Variants in RBMS3 observed in about 807,000 individuals in gnomAD.
RBMS3 encodes the protein RNA binding motif single stranded interacting protein 3, also known as RNA-binding motif, single-stranded-interacting protein 3.
Under a neutral mutation model 66.8 loss-of-function variants are expected in RBMS3, and 27 were observed. That is an observed-to-expected ratio of 0.40 (90% CI 0.30 to 0.56). The LOEUF is 0.56. Ranked by LOEUF, RBMS3 falls within the 20% of genes least tolerant of loss-of-function variation. The probability of loss-of-function intolerance (pLI) is 0.40; values close to 1 mark genes in which losing one functional copy is unlikely to be tolerated. For synonymous variants in RBMS3, 188 were observed against 183.0 expected, an observed-to-expected ratio of 1.03 and a Z score of -0.22; for missense variants, 513 against 549.5, an observed-to-expected ratio of 0.93 and a Z score of 0.66.
intron 4 of RBMS3, among the ~76,000 whole-genome samples, chr3:29,693,953 C>T (rs2052153602): frequency 6.6e-6 from 1 of 152,194 alleles, no homozygotes; most frequent in South Asian, 2.1e-4. Flanking sequence ...ACAGTGTCAA[C>T]ATGATCAGTG....
At chr3:29,737,783 A>G (rs1390340430) in intron 4 of RBMS3, among the ~76,000 whole-genome samples, 1 of 151,788 alleles carries the variant, frequency 6.6e-6, no homozygotes, top group Non-Finnish European at 1.5e-5. Context: ...CTCTAGGACC[A>G]TTAACAGTTA....
chr3:29,840,681 T>C (rs1402207539), intron 6 of RBMS3, among the ~76,000 whole-genome samples: 1 of 152,056 alleles, frequency 6.6e-6, no homozygotes, highest in Non-Finnish European at 1.5e-5. Flanking sequence ...TGCTGGCATA[T>C]GATAGATATA....
intron 4 of RBMS3, among the ~76,000 whole-genome samples, chr3:29,591,769 T>C (rs2149100930): frequency 6.6e-6 from 1 of 152,304 alleles, no homozygotes; most frequent in East Asian, 1.9e-4. Flanking sequence ...ATTCCAAATA[T>C]GAGTAAACAC....
At chr3:29,836,427 A>G (rs2058509588) in intron 6 of RBMS3, among the ~76,000 whole-genome samples, 1 of 152,026 alleles carries the variant, frequency 6.6e-6, no homozygotes, top group Non-Finnish European at 1.5e-5. Context: ...ATCAAGTGGT[A>G]TGTATCACTG....
chr3:29,740,867 C>T (rs1444054508), intron 5 of RBMS3, among the ~76,000 whole-genome samples: 1 of 151,858 alleles, frequency 6.6e-6, no homozygotes, highest in Non-Finnish European at 1.5e-5. Context: ...TAGTGAAAAC[C>T]CATCTCTACT....
At chr3:29,896,714 A>G (rs2060130629) in intron 8 of RBMS3, among the ~76,000 whole-genome samples, 1 of 151,556 alleles carries the variant, frequency 6.6e-6, no homozygotes, top group African/African-American at 2.4e-5. Context: ...CTGATTTGTG[A>G]ATTCCTGATC....
chr3:29,630,483 G>A (rs915935833), intron 4 of RBMS3, among the ~76,000 whole-genome samples: 14 of 151,904 alleles, frequency 9.2e-5, no homozygotes, highest in African/African-American at 3.4e-4. Flanking sequence ...CTATACATAG[G>A]AAACTCAGTC....
chr3:29,605,163 A>C (rs1162514487), intron 4 of RBMS3, among the ~76,000 whole-genome samples: 1 of 151,784 alleles, frequency 6.6e-6, no homozygotes, highest in East Asian at 1.9e-4. Flanking sequence ...TCCTCCTTTG[A>C]AATACAATCT....
chr3:29,773,684 C>T lies in RBMS3; in HGVS notation c.637+10695C>T, dbSNP rs143893435. On this transcript the variant is annotated intron_variant, in intron 6 of 14. Coordinates refer to ENST00000383767, the MANE Select transcript of RBMS3 (RefSeq NM_001003793.3). Reference sequence around the variant, plus strand: ...GCATCTCTTTCATTAGGTAGACTGCCCTTAGGCTGCAGCAGCCTGTTTTGC... The same window carrying T: ...GCATCTCTTTCATTAGGTAGACTGCTCTTAGGCTGCAGCAGCCTGTTTTGC... Among the ~76,000 whole-genome samples the T allele has an allele frequency of 3.5e-3, 528 of 152,196 alleles. 6 individuals are homozygous for T. Among genetic ancestry groups the T allele is most frequent in the African/African-American group, 0.012 (488 of 41,554 alleles).
chr3:29,979,434 T>G (rs1697827541), intron 12 of RBMS3, among the ~76,000 whole-genome samples: 1 of 152,174 alleles, frequency 6.6e-6, no homozygotes, highest in Non-Finnish European at 1.5e-5. Context: ...TGAAGAAGTT[T>G]AGCTAAGATT....
At chr3:29,716,496 T>C (rs965430397) in intron 4 of RBMS3, among the ~76,000 whole-genome samples, 5 of 152,170 alleles carry the variant, frequency 3.3e-5, no homozygotes, top group Non-Finnish European at 7.4e-5. Flanking sequence ...CCACCACCCA[T>C]AGATAACCAT....
chr3:29,552,510 T>C (rs2046210605), intron 3 of RBMS3, among the ~76,000 whole-genome samples: 1 of 152,164 alleles, frequency 6.6e-6, no homozygotes. Context: ...GAGGAAGCGT[T>C]ATATTTCTCT....
intron 10 of RBMS3, among the ~76,000 whole-genome samples, chr3:29,920,836 G>A (rs973820404): frequency 2.2e-5 from 3 of 134,766 alleles, no homozygotes; most frequent in African/African-American, 8.6e-5. Flanking sequence ...TTAGCCAGGT[G>A]TGGTGGCACG....
intron 4 of RBMS3, among the ~76,000 whole-genome samples, chr3:29,641,941 A>G (rs183598602): frequency 3.9e-5 from 6 of 152,172 alleles, no homozygotes; most frequent in Non-Finnish European, 7.4e-5. Flanking sequence ...CTGTCCTCCC[A>G]AGAAAGAGGG....
intron 4 of RBMS3, among the ~76,000 whole-genome samples, chr3:29,600,043 A>G (rs923719869): frequency 2.0e-5 from 3 of 152,164 alleles, no homozygotes; most frequent in African/African-American, 4.8e-5. Flanking sequence ...TATTTTTACT[A>G]TCAAATGTAC....
chr3:29,968,233 C>T (rs563148473), intron 12 of RBMS3, among the ~76,000 whole-genome samples: 2 of 152,084 alleles, frequency 1.3e-5, no homozygotes, highest in East Asian at 1.9e-4. Context: ...AGGTGGAGGG[C>T]GAGACAGGCT....
intron 10 of RBMS3, among the ~76,000 whole-genome samples, chr3:29,913,663 A>C (rs2060570895): frequency 6.6e-6 from 1 of 151,984 alleles, no homozygotes; most frequent in Non-Finnish European, 1.5e-5. Flanking sequence ...TAATAACCTT[A>C]AAACTTCTAT....
chr3:29,782,172 C>A (rs1489717310), intron 6 of RBMS3, among the ~76,000 whole-genome samples: 1 of 152,096 alleles, frequency 6.6e-6, no homozygotes, highest in Non-Finnish European at 1.5e-5. Flanking sequence ...CCTTATAGGA[C>A]CATAGCTGAC....
intron 4 of RBMS3, among the ~76,000 whole-genome samples, chr3:29,594,491 A>C (rs936162856): frequency 6.6e-6 from 1 of 152,178 alleles, no homozygotes; most frequent in African/African-American, 2.4e-5. Context: ...GACTGATGCA[A>C]TGTAATGTAA....
Sources: allele counts gnomAD v4.1 joint callset (sites outside exome capture counted in the v4.1 genomes callset), GRCh38; gene constraint gnomAD v4.1.1; transcripts MANE v1.5; gene names NCBI Gene and HGNC (gene_info 2026-07-23, HGNC 2026-07-21).